Variants in SLC7A6 observed in about 807,000 individuals in gnomAD.
The protein encoded by SLC7A6 is Y+L amino acid transporter 2.
Under a neutral mutation model 46.6 loss-of-function variants are expected in SLC7A6, and 29 were observed. That is an observed-to-expected ratio of 0.62 (90% confidence interval 0.46 to 0.85). The LOEUF is 0.85. Among genes scored for constraint, SLC7A6 ranks in the 40% least tolerant of loss-of-function variants. The pLI, the probability that SLC7A6 is intolerant of heterozygous loss-of-function variation, is 0.00. For synonymous variants in SLC7A6, 276 were observed against 257.3 expected (o/e 1.07, Z -0.70); for missense variants, 527 against 647.6 (o/e 0.81, Z 2.02).
At chr16:68,287,292 A>G (rs2042955771) in intron 3 of SLC7A6, 2 of 1,284,370 alleles carry the variant, frequency 1.6e-6, no homozygotes, top group African/African-American at 3.0e-5. Flanking sequence ...TTTTACACTT[A>G]ATGCAAAACA....
At chr16:68,282,248 G>A (rs183427869) in intron 3 of SLC7A6, among the ~76,000 whole-genome samples, 6 of 152,218 alleles carry the variant, frequency 3.9e-5, no homozygotes, top group Admixed American at 1.3e-4. Context: ...CTTTCATAAT[G>A]GGACTAAATG....
chr16:68,279,867 T>G (rs1489724457), intron 3 of SLC7A6, among the ~76,000 whole-genome samples: 1 of 152,242 alleles, frequency 6.6e-6, no homozygotes, highest in Non-Finnish European at 1.5e-5. Context: ...CAACATGTAC[T>G]TTCATCCAGA....
intron 2 of SLC7A6, among the ~76,000 whole-genome samples, chr16:68,269,483 A>G (rs936006617): frequency 5.3e-5 from 8 of 152,066 alleles, no homozygotes; most frequent in Non-Finnish European, 8.8e-5. Context: ...TATTGTTGCT[A>G]TGGTTACGTT....
chr16:68,301,595 T>A lies in SLC7A6; in HGVS notation c.*4267T>A. ...TCACTTTCCTATCATCTAAACCAAG[T>A]TCCTTCACACTGGAGTATTTTGTCA... On this transcript the variant is annotated 3_prime_UTR_variant, in exon 11 of 11. Coordinates refer to ENST00000219343, the MANE Select transcript of SLC7A6 (RefSeq NM_003983.6). 1 of 453,224 alleles carries A rather than the reference T, an allele frequency of 2.2e-6. No homozygotes were observed. Among genetic ancestry groups the A allele is most frequent in the Middle Eastern group, 6.0e-4 (1 of 1,658 alleles). 28.1% of individuals were successfully genotyped at this position (453,224 alleles called of 1,614,324 possible).
intron 7 of SLC7A6, 77 bp downstream of exon 7, chr16:68,291,738 T>C: frequency 8.3e-7 from 1 of 1,211,110 alleles, no homozygotes; most frequent in Non-Finnish European, 1.2e-6. Context: ...GTTCCTTTTT[T>C]CCCTCCTTCT....
At position 68,274,828 on chromosome 16, in the gene SLC7A6, G is replaced by T. The variant is rs761703001; in HGVS notation, c.102G>T (p.Arg34Ser). The change falls in exon 3 of 11, where the codon AGG (arginine) becomes AGT (serine). Residue 34 changes from arginine (R) to serine (S), a missense_variant. Transcript: ENST00000219343. ...VEEDVSSPPQ[R>S]SSETMQLKKE... The stretch of plus-strand genomic sequence containing the variant: ...AAGATGTCAGCTCGCCACCTCAAAG[G>T]TCCTCCGAAACTATGCAGCTGAAGA... 1.9e-6 allele frequency: 3 copies of T among 1,614,160 alleles called. No homozygotes were observed. The highest frequency in any genetic ancestry group is 1.7e-5 in the Admixed American group (1 of 60,006).
chr16:68,280,552 A>T (rs1939495674), intron 3 of SLC7A6, among the ~76,000 whole-genome samples: 1 of 152,124 alleles, frequency 6.6e-6, no homozygotes, highest in South Asian at 2.1e-4. Flanking sequence ...CCTGCCCGAT[A>T]AAATAAGCTG....
intron 4 of SLC7A6, among the ~76,000 whole-genome samples, chr16:68,288,967 CAAA>C (rs753001951): frequency 5.3e-5 from 4 of 76,140 alleles, no homozygotes; most frequent in Non-Finnish European, 2.6e-5. Flanking sequence ...GATTCCATCT[CAAA>C]AAAAAAAAAA....
intron 7 of SLC7A6, 101 bp downstream of exon 7, chr16:68,291,762 G>GTGTGTGTGTGTGTGTGTGT: frequency 7.3e-6 from 4 of 545,988 alleles, no homozygotes; most frequent in Non-Finnish European, 6.4e-6. Flanking sequence ...GGGCATATAG[G>GTGTGTGTGTGTGTGTGTGT]GTGTGTGTGT....
In SLC7A6 at chr16:68,300,046, A is replaced by G. The variant is rs1023058426; in HGVS notation, c.*2718A>G. 2 of 152,044 alleles carry G rather than the reference A, an allele frequency of 1.3e-5. No homozygotes were observed. The highest frequency in any genetic ancestry group is 2.9e-5 in the Non-Finnish European group (2 of 68,044). The allele number at this position is 152,044 out of a possible 1,614,324, so 9.4% of individuals were successfully genotyped here. A position where few individuals can be genotyped will look rare whatever the true frequency, so the allele number is the denominator to read the frequency against. ...CTCCCTGTGTAACTCACCTTCCCCC[A>G]TGACAGTGAGTAAGAGACACTCACA... On this transcript the variant is annotated 3_prime_UTR_variant, in exon 11 of 11. Coordinates refer to ENST00000219343, the MANE Select transcript of SLC7A6 (RefSeq NM_003983.6).
At chr16:68,277,013 A>AC (rs915050406) in intron 3 of SLC7A6, among the ~76,000 whole-genome samples, 20 of 152,132 alleles carry the variant, frequency 1.3e-4, no homozygotes, top group Non-Finnish European at 8.8e-5. Context: ...ACAAAACAAA[A>AC]AAAAAACCTC....
intron 7 of SLC7A6, 136 bp downstream of exon 7, chr16:68,291,797 G>GTGTA (rs2043058171): frequency 1.4e-6 from 1 of 713,176 alleles, no homozygotes; most frequent in East Asian, 2.6e-5. Flanking sequence ...GTGTGTGTGT[G>GTGTA]TGTTTGGTAT....
chr16:68,287,774 T>C lies in SLC7A6; in HGVS notation c.552T>C (p.Tyr184=). Residue 184 remains tyrosine, a synonymous_variant, in exon 4 of 11, where the codon TAT becomes TAC. Coordinates refer to ENST00000219343, the MANE Select transcript of SLC7A6 (RefSeq NM_003983.6). ...TGCTGACATTTGTGAACTGTGCCTA[T>C]GTCAAGTGGGGCACACGTGTGCAGG... The part of the protein sequence containing the change: ...ICLLTFVNCA[Y]VKWGTRVQDT... 1.2e-6 allele frequency: 2 copies of C among 1,614,180 alleles called. No individual in the cohort carries two copies. Among genetic ancestry groups the C allele is most frequent in the South Asian group, 1.1e-5 (1 of 91,086 alleles).
chr16:68,276,807 G>A (rs1234114383), intron 3 of SLC7A6, among the ~76,000 whole-genome samples: 1 of 152,122 alleles, frequency 6.6e-6, no homozygotes, highest in Admixed American at 6.6e-5. Context: ...AGACCAACCT[G>A]GGCAACATGG....
Position 68,296,720 on chromosome 16 carries a change from A to G in SLC7A6, c.1363A>G (p.Ile455Val). Reference protein sequence around the residue: ...FTDTINSLIGIGIALSGVPFY... With the variant: ...FTDTINSLIGVGIALSGVPFY... ...TGACACCATTAATTCCCTCATTGGC[A>G]TCGGGATTGCCCTTTCTGGAGTCCC... The change falls in exon 10 of 11, where the codon ATC (isoleucine) becomes GTC (valine). Residue 455 changes from isoleucine (I) to valine (V), a missense_variant. Transcript: ENST00000219343. 6.2e-7 allele frequency: 1 copy of G among 1,614,176 alleles called. No individual in the cohort carries two copies. Among genetic ancestry groups the G allele is most frequent in the South Asian group, 1.1e-5 (1 of 91,074 alleles).
chr16:68,277,558 G>A (rs1209458724), intron 3 of SLC7A6, among the ~76,000 whole-genome samples: 3 of 151,760 alleles, frequency 2.0e-5, no homozygotes, highest in Non-Finnish European at 2.9e-5. Flanking sequence ...TGATCCGCCC[G>A]CCTCGGCCTC....
rs1221869334 is a variant in SLC7A6 at position 68,290,313 on chromosome 16, C to G, written c.650-83C>G. On this transcript the variant is annotated intron_variant, in intron 4 of 10. Transcript: ENST00000219343. ...TTTCCTATTCTCCTTTCGTATCTTT[C>G]TCTTACACCTCCCATCTCCTCTTCC... 5.6e-6 allele frequency: 8 copies of G among 1,424,890 alleles called. No individual in the cohort carries two copies. The African/African-American group carries it at 5.7e-5, about 10-fold the overall frequency. 88.3% of individuals were successfully genotyped at this position (1,424,890 alleles called of 1,614,324 possible). A position where few individuals can be genotyped will look rare whatever the true frequency, so the allele number is the denominator to read the frequency against.
chr16:68,301,064 T>A lies in SLC7A6; in HGVS notation c.*3736T>A. ...TTCAAACTGTAGGGTCACTTTTGAT[T>A]GAGGCAAAGGGGTCCTACTGTAAGT... is the stretch of plus-strand genomic sequence containing the variant. On this transcript the variant is annotated 3_prime_UTR_variant, in exon 11 of 11. Transcript: ENST00000219343. 1 of 1,231,014 alleles carries A rather than the reference T, an allele frequency of 8.1e-7. No individual in the cohort carries two copies. Among genetic ancestry groups the A allele is most frequent in the Admixed American group, 4.2e-5 (1 of 23,976 alleles). The allele number at this position is 1,231,014 out of a possible 1,614,324, so 76.3% of individuals were successfully genotyped here.
rs1486824379 is a variant in SLC7A6 at position 68,300,713 on chromosome 16, A to G, written c.*3385A>G. On this transcript the variant is annotated 3_prime_UTR_variant, in exon 11 of 11. Coordinates refer to ENST00000219343, the MANE Select transcript of SLC7A6 (RefSeq NM_003983.6). ...AAAGGAAGTCAGTCAGTAATTTCAC[A>G]ACCGTTATCAGAGTTTGGAAGCAGA... The G allele has an allele frequency of 1.0e-6, 1 of 985,388 alleles. No homozygotes were observed. The highest frequency in any genetic ancestry group is 1.2e-6 in the Non-Finnish European group (1 of 829,964). The allele number at this position is 985,388 out of a possible 1,614,324, so 61.0% of individuals were successfully genotyped here. A position where few individuals can be genotyped will look rare whatever the true frequency, so the allele number is the denominator to read the frequency against.
Sources: gnomAD v4.1 joint callset for allele counts (sites outside exome capture counted in the v4.1 genomes callset) on GRCh38, gnomAD v4.1.1 for gene constraint, MANE v1.5 for transcripts, NCBI Gene and HGNC (gene_info 2026-07-23, HGNC 2026-07-21) for gene names.